Variants in BMP2K observed in about 807,000 individuals in gnomAD.
BMP2K encodes BMP-2-inducible protein kinase.
BMP2K carries 74 observed loss-of-function variants against 116.0 expected under a neutral mutation model. The observed-to-expected ratio is 0.64, with a 90% CI of 0.53 to 0.77. BMP2K has a LOEUF of 0.77. Among genes scored for constraint, BMP2K ranks in the 30% least tolerant of loss-of-function variants. BMP2K has a pLI of 0.00. For missense variants in BMP2K, 1,365 were observed against 1,403.6 expected, an observed-to-expected ratio of 0.97 and a Z score of 0.44; for synonymous variants, 486 against 502.5, an observed-to-expected ratio of 0.97 and a Z score of 0.44.
chr4:78,879,296 T>C (rs1291746038), intron 14 of BMP2K: 1 of 994,964 alleles, frequency 1.0e-6, no homozygotes, highest in Admixed American at 6.1e-5. Flanking sequence ...TGAGATGCCC[T>C]TTGAAAATGC....
chr4:78,869,457 C>T (rs1327954122), intron 10 of BMP2K, among the ~76,000 whole-genome samples: 2 of 151,982 alleles, frequency 1.3e-5, no homozygotes, highest in South Asian at 2.1e-4. Flanking sequence ...CATTCTATAC[C>T]ACTGTAGAAT....
intron 1 of BMP2K, among the ~76,000 whole-genome samples, chr4:78,820,145 C>T (rs1729543934): frequency 6.6e-6 from 1 of 152,194 alleles, no homozygotes. Context: ...TTTAGTCTAA[C>T]TGAAATTTAG....
At chr4:78,833,851 C>T (rs1159905627) in intron 3 of BMP2K, among the ~76,000 whole-genome samples, 164 bp downstream of exon 3, 1 of 152,100 alleles carries the variant, frequency 6.6e-6, no homozygotes, top group Non-Finnish European at 1.5e-5. Context: ...TTATTTAAAA[C>T]CTAGTCATAG....
At chr4:78,779,568 A>G (rs536235284) in intron 1 of BMP2K, among the ~76,000 whole-genome samples, 3 of 152,234 alleles carry the variant, frequency 2.0e-5, no homozygotes, top group Non-Finnish European at 4.4e-5. Flanking sequence ...CATTGTGCAC[A>G]TGTCTGCAAT....
At chr4:78,898,882 C>T (rs928977610) in intron 15 of BMP2K, 2 of 152,170 alleles carry the variant, frequency 1.3e-5, no homozygotes, top group African/African-American at 4.8e-5. Flanking sequence ...TGCTTGTAGT[C>T]CCAGCTGCTC....
Position 78,916,325 on chromosome 4 carries a change from T to C in BMP2K, c.*4292T>C, listed in dbSNP as rs1735069704. 1 of 152,012 alleles carries C rather than the reference T, an allele frequency of 6.6e-6. No homozygotes were observed. Among genetic ancestry groups the C allele is most frequent in the Admixed American group, 6.6e-5 (1 of 15,210 alleles). The allele number at this position is 152,012 out of a possible 1,614,324, so 9.4% of individuals were successfully genotyped here. A position where few individuals can be genotyped will look rare whatever the true frequency, so the allele number is the denominator to read the frequency against. On this transcript the variant is annotated 3_prime_UTR_variant, in exon 16 of 16. Coordinates refer to ENST00000502613, the MANE Select transcript of BMP2K (RefSeq NM_198892.2). The stretch of plus-strand genomic sequence containing the variant: ...CATACCTGTTTTAATCTGTTTTCTT[T>C]AAATGCAATAAATCCCAAATGGATT...
chr4:78,859,733 C>T lies in BMP2K; in HGVS notation c.987+46C>T, dbSNP rs374978321. 1.0e-4 allele frequency: 132 copies of T among 1,294,834 alleles called. 1 individual carries two copies. The African/African-American group carries it at 1.3e-3, about 13-fold the overall frequency. 80.2% of individuals were successfully genotyped at this position (1,294,834 alleles called of 1,614,324 possible). ...GATATGAATTTAAAATTCATTTTAT[C>T]GTATGTGAATATATTTACTTTCAGA... On this transcript the variant is annotated intron_variant, in intron 8 of 15. Transcript: ENST00000502613.
chr4:78,790,047 G>A lies in BMP2K; in HGVS notation c.178+13326G>A, dbSNP rs139938516. ...CTAAATTCCTGTTTATTAGATGACA[G>A]CACAAATGCTTTAGACTTAAACTTG... On this transcript the variant is annotated intron_variant, in intron 1 of 15. Transcript: ENST00000502613. 2.4e-3 allele frequency among the ~76,000 whole-genome samples: 371 copies of A among 152,260 alleles called. 1 individual carries two copies. The highest frequency in any genetic ancestry group is 4.3e-3 in the Non-Finnish European group (292 of 68,014).
intron 1 of BMP2K, among the ~76,000 whole-genome samples, chr4:78,779,985 G>C (rs1727426752): frequency 6.6e-6 from 1 of 152,168 alleles, no homozygotes; most frequent in African/African-American, 2.4e-5. Flanking sequence ...AGAAATGAGG[G>C]AGAGCGGTAT....
Position 78,904,993 on chromosome 4 carries a change from T to A in BMP2K, c.2063-5617T>A, listed in dbSNP as rs775268395. ...CTGTACCAAAGCTACCTAAAGAAAA[T>A]TTAACTCTATATTTTTGTATAAATA... On this transcript the variant is annotated intron_variant, in intron 15 of 15. Coordinates refer to ENST00000502613, the MANE Select transcript of BMP2K (RefSeq NM_198892.2). 2.6e-4 allele frequency among the ~76,000 whole-genome samples: 39 copies of A among 151,982 alleles called. No homozygotes were observed. The South Asian group carries it at 3.1e-3, about 12-fold the overall frequency.
At chr4:78,853,224 C>G (rs1731341457) in intron 7 of BMP2K, among the ~76,000 whole-genome samples, 1 of 152,098 alleles carries the variant, frequency 6.6e-6, no homozygotes, top group African/African-American at 2.4e-5. Context: ...ATAGCCATGA[C>G]AAATCTTTGT....
chr4:78,915,368 G>A lies in BMP2K; in HGVS notation c.*3335G>A, dbSNP rs551624258. ...TTTTAGGTTTTGGTACTTCACGTAA[G>A]CACTGTTAGAAGGTACAAGTGTATT... On this transcript the variant is annotated 3_prime_UTR_variant, in exon 16 of 16. Transcript: ENST00000502613. The A allele has an allele frequency of 6.6e-6, 1 of 151,972 alleles. No homozygotes were observed. The highest frequency in any genetic ancestry group is 2.1e-4 in the South Asian group (1 of 4,822). The allele number at this position is 151,972 out of a possible 1,614,324, so 9.4% of individuals were successfully genotyped here.
intron 1 of BMP2K, among the ~76,000 whole-genome samples, chr4:78,783,823 AAATAAAT>A (rs1376147751): frequency 6.6e-6 from 1 of 152,070 alleles, no homozygotes. Context: ...ATAAATAAAT[AAATAAAT>A]AATAAATAAA....
At chr4:78,865,895 T>C (rs912890433) in intron 10 of BMP2K, 175 bp downstream of exon 10, 1 of 655,440 alleles carries the variant, frequency 1.5e-6, no homozygotes, top group Non-Finnish European at 2.5e-6. Context: ...ATTCAATTGT[T>C]GTAGGCAAAG....
intron 2 of BMP2K, among the ~76,000 whole-genome samples, chr4:78,829,401 TG>T (rs1382874462): frequency 3.6e-5 from 5 of 138,446 alleles, no homozygotes; most frequent in African/African-American, 1.4e-4. Flanking sequence ...TATAGTTTTT[TG>T]TTTTTTTTTT....
intron 8 of BMP2K, among the ~76,000 whole-genome samples, 181 bp from the exon 9 acceptor site, chr4:78,861,206 CAT>C (rs1369308877): frequency 2.0e-5 from 3 of 151,756 alleles, no homozygotes; most frequent in Admixed American, 6.6e-5. Context: ...ATTTGTGTAA[CAT>C]GTAGTGATAT....
chr4:78,792,886 A>C (rs1479082140), intron 1 of BMP2K, among the ~76,000 whole-genome samples: 1 of 152,228 alleles, frequency 6.6e-6, no homozygotes, highest in Non-Finnish European at 1.5e-5. Flanking sequence ...TAGTTATCTG[A>C]AAAGACTATA....
intron 14 of BMP2K, among the ~76,000 whole-genome samples, chr4:78,883,860 G>A (rs908874123): frequency 4.6e-5 from 7 of 152,082 alleles, no homozygotes; most frequent in African/African-American, 1.7e-4. Context: ...CCAGGAGTTC[G>A]AGACTAGCCT....
At chr4:78,855,180 G>A (rs565304903) in intron 7 of BMP2K, among the ~76,000 whole-genome samples, 2 of 152,216 alleles carry the variant, frequency 1.3e-5, no homozygotes, top group African/African-American at 4.8e-5. Flanking sequence ...CATATACTAA[G>A]ATATGTAGGA....
Sources: allele counts gnomAD v4.1 joint callset (sites outside exome capture counted in the v4.1 genomes callset), GRCh38; gene constraint gnomAD v4.1.1; transcripts MANE v1.5; gene names NCBI Gene and HGNC (gene_info 2026-07-23, HGNC 2026-07-21).